The following GTF2H5 variants were observed in gnomAD, a reference collection of about 807,000 sequenced individuals.
GTF2H5 encodes TFB5 ortholog.
In GTF2H5, 5 loss-of-function variants were observed where a neutral mutation model predicts 7.1. That is an observed-to-expected ratio of 0.71 (90% CI 0.37 to 1.49). The LOEUF (loss-of-function observed/expected upper bound fraction) is 1.49, where lower values mean the gene tolerates loss of function less well. Ranked by LOEUF, GTF2H5 falls within the 40% of genes most tolerant of loss-of-function variation. GTF2H5 has a pLI of 0.03. For missense variants in GTF2H5, 80 were observed against 83.0 expected (o/e 0.96, Z 0.14); for synonymous variants, 30 against 31.7 (o/e 0.95, Z 0.18).
In GTF2H5 at chr6:158,198,253, T is replaced by A. The variant is rs1395265334; in HGVS notation, c.*6096T>A. The A allele has an allele frequency of 6.6e-6, 1 of 152,226 alleles. No individual in the cohort carries two copies. The highest frequency in any genetic ancestry group is 6.5e-5 in the Admixed American group (1 of 15,288). The allele number at this position is 152,226 out of a possible 1,614,324, so 9.4% of individuals were successfully genotyped here. The stretch of plus-strand genomic sequence containing the variant: ...CTGATGCTTTCATTGATCTCAAAAC[T>A]GTCTCTGAGTAACTCTACCAGGAAA... On this transcript the variant is annotated 3_prime_UTR_variant, in exon 3 of 3. Coordinates refer to ENST00000607778, the MANE Select transcript of GTF2H5 (RefSeq NM_207118.3).
chr6:158,187,672 A>G (rs987597979), intron 2 of GTF2H5, among the ~76,000 whole-genome samples: 5 of 152,120 alleles, frequency 3.3e-5, no homozygotes, highest in African/African-American at 7.2e-5. Flanking sequence ...GGTTCATGCC[A>G]TTCTCCTGCC....
intron 2 of GTF2H5, among the ~76,000 whole-genome samples, chr6:158,186,121 T>A (rs1349581915): frequency 6.6e-6 from 1 of 152,238 alleles, no homozygotes; most frequent in Non-Finnish European, 1.5e-5. Context: ...AAAGGCAATT[T>A]AAAGAAAAAT....
chr6:158,185,911 C>T (rs1176093334), intron 2 of GTF2H5, among the ~76,000 whole-genome samples: 1 of 152,104 alleles, frequency 6.6e-6, no homozygotes, highest in African/African-American at 2.4e-5. Context: ...GGAGAATCAT[C>T]TGAGCCCAGG....
chr6:158,169,397 TTATATTG>T (rs1372825739), intron 1 of GTF2H5, among the ~76,000 whole-genome samples: 6 of 77,640 alleles, frequency 7.7e-5, no homozygotes, highest in South Asian at 7.2e-4. Flanking sequence ...ATATATAATA[TTATATTG>T]TATATTATAT....
At chr6:158,189,643 G>T (rs1006968947) in intron 2 of GTF2H5, among the ~76,000 whole-genome samples, 1 of 151,990 alleles carries the variant, frequency 6.6e-6, no homozygotes, top group Non-Finnish European at 1.5e-5. Context: ...CTTCAACTTC[G>T]CCAGACCTAT....
In GTF2H5 at chr6:158,170,394, C is replaced by G. The variant is rs904038691; in HGVS notation, c.-34-76C>G. ...ATATTGACATTTAATTATTTTGCCT[C>G]GTTTCAGAGGCAGATCCCCAAAGTA... is the stretch of plus-strand genomic sequence containing the variant. On this transcript the variant is annotated intron_variant, in intron 1 of 2. Transcript: ENST00000607778. 6.1e-6 allele frequency: 5 copies of G among 821,176 alleles called. No homozygotes were observed. The African/African-American group carries it at 8.5e-5, about 14-fold the overall frequency. 50.9% of individuals were successfully genotyped at this position (821,176 alleles called of 1,614,324 possible).
intron 2 of GTF2H5, among the ~76,000 whole-genome samples, chr6:158,183,659 C>T (rs555101760): frequency 3.9e-4 from 60 of 152,328 alleles, no homozygotes; most frequent in African/African-American, 1.2e-3. Context: ...CAATCTCAGA[C>T]GCTGCGCTAG....
chr6:158,175,010 ATGTGTGTGTGTG>A (rs200557393), intron 2 of GTF2H5, among the ~76,000 whole-genome samples: 24 of 138,246 alleles, frequency 1.7e-4, no homozygotes, highest in African/African-American at 5.2e-4. Context: ...TGTGCCTGAG[ATGTGTGTGTGTG>A]TGTGTGTGTG....
At chr6:158,181,615 C>A (rs911898035) in intron 2 of GTF2H5, among the ~76,000 whole-genome samples, 1 of 152,062 alleles carries the variant, frequency 6.6e-6, no homozygotes, top group African/African-American at 2.4e-5. Flanking sequence ...GATCCCTTTA[C>A]CATTATGTAA....
At chr6:158,177,712 C>A (rs1305916721) in intron 2 of GTF2H5, among the ~76,000 whole-genome samples, 2 of 152,130 alleles carry the variant, frequency 1.3e-5, no homozygotes, top group Non-Finnish European at 2.9e-5. Context: ...CTAATGTTAT[C>A]CCTCCCCTAG....
At chr6:158,177,437 C>T (rs937141018) in intron 2 of GTF2H5, among the ~76,000 whole-genome samples, 3 of 152,142 alleles carry the variant, frequency 2.0e-5, no homozygotes, top group African/African-American at 7.2e-5. Flanking sequence ...GTAGTAAGAA[C>T]TCTGCGGCTG....
At chr6:158,169,685 A>ATT (rs1562469157) in intron 1 of GTF2H5, among the ~76,000 whole-genome samples, 456 of 43,710 alleles carry the variant, frequency 0.01, 55 homozygotes, top group Non-Finnish European at 0.012. Context: ...TATAATATAT[A>ATT]ATATATATTA....
intron 1 of GTF2H5, 37 bp from the exon 2 acceptor site, chr6:158,170,433 G>A: frequency 8.0e-7 from 1 of 1,257,226 alleles, no homozygotes; most frequent in Non-Finnish European, 1.2e-6. Context: ...GAAAGTTAAT[G>A]ATTTTTAATT....
At chr6:158,178,904 T>C (rs1785969326) in intron 2 of GTF2H5, among the ~76,000 whole-genome samples, 2 of 152,252 alleles carry the variant, frequency 1.3e-5, no homozygotes, top group Non-Finnish European at 2.9e-5. Context: ...TTTCTTGTTT[T>C]AGACATGAAG....
Position 158,190,007 on chromosome 6 carries a change from C to T in GTF2H5, c.36-1970C>T, listed in dbSNP as rs550660007. Among the ~76,000 whole-genome samples, 11 of 152,048 alleles carry T rather than the reference C, an allele frequency of 7.2e-5. No homozygotes were observed. The East Asian group carries it at 2.1e-3, about 29-fold the overall frequency. On this transcript the variant is annotated intron_variant, in intron 2 of 2. Transcript: ENST00000607778. ...TTTCTTTCTACCTCGGTGGTCACTT[C>T]TTACTCAGCTTCTTCACTCAGGGGC... is the stretch of plus-strand genomic sequence containing the variant.
intron 2 of GTF2H5, among the ~76,000 whole-genome samples, chr6:158,174,560 C>G (rs1243344401): frequency 2.0e-5 from 3 of 152,120 alleles, no homozygotes; most frequent in Non-Finnish European, 2.9e-5. Flanking sequence ...TGAAAATTTC[C>G]TCTTTGTTGG....
intron 2 of GTF2H5, among the ~76,000 whole-genome samples, chr6:158,191,733 C>T (rs1359317698): frequency 6.6e-6 from 1 of 152,204 alleles, no homozygotes; most frequent in African/African-American, 2.4e-5. Context: ...CCACCCACCT[C>T]GGCCTCCCAA....
intron 1 of GTF2H5, among the ~76,000 whole-genome samples, chr6:158,169,785 T>TTG (rs1785817592): frequency 2.6e-5 from 3 of 114,064 alleles, no homozygotes; most frequent in African/African-American, 1.0e-4. Flanking sequence ...ATATTGTATA[T>TTG]TATATATTAT....
At chr6:158,181,738 C>T (rs1428896403) in intron 2 of GTF2H5, among the ~76,000 whole-genome samples, 1 of 151,370 alleles carries the variant, frequency 6.6e-6, no homozygotes, top group African/African-American at 2.4e-5. Context: ...GGTAGATCTT[C>T]CTCCATCCCT....
Sources: allele counts gnomAD v4.1 joint callset (sites outside exome capture counted in the v4.1 genomes callset), GRCh38; gene constraint gnomAD v4.1.1; transcripts MANE v1.5; gene names NCBI Gene and HGNC (gene_info 2026-07-23, HGNC 2026-07-21).